Variants in CEMIP2 observed in about 807,000 individuals in gnomAD.
CEMIP2 encodes the protein cell surface hyaluronidase CEMIP2.
CEMIP2 carries 79 observed loss-of-function variants against 146.9 expected under a neutral mutation model. The observed-to-expected ratio is 0.54, with a 90% CI of 0.45 to 0.65. The LOEUF is 0.65. Among genes scored for constraint, CEMIP2 ranks in the 30% least tolerant of loss-of-function variants. The pLI is 0.00. For synonymous variants in CEMIP2, 601 were observed against 606.3 expected (o/e 0.99, Z 0.13); for missense variants, 1,596 against 1,696.2 (o/e 0.94, Z 1.04).
At chr9:71,729,580 T>C (rs914653890) in intron 10 of CEMIP2, among the ~76,000 whole-genome samples, 1 of 150,122 alleles carries the variant, frequency 6.7e-6, no homozygotes, top group Non-Finnish European at 1.5e-5. Flanking sequence ...ATCGCGCCAC[T>C]GCACTCCAGC....
chr9:71,703,760 G>A (rs1273359308), intron 18 of CEMIP2, among the ~76,000 whole-genome samples: 1 of 151,982 alleles, frequency 6.6e-6, no homozygotes, highest in Admixed American at 6.6e-5. Flanking sequence ...CCATCACACT[G>A]ACTCCATCAT....
At chr9:71,719,633 G>A (rs533852309) in intron 12 of CEMIP2, among the ~76,000 whole-genome samples, 43 of 152,146 alleles carry the variant, frequency 2.8e-4, no homozygotes, top group East Asian at 1.2e-3. Flanking sequence ...TAGTAGCTGC[G>A]AAGATAAAGA....
chr9:71,685,409 A>G lies in CEMIP2; in HGVS notation c.3956-16T>C, dbSNP rs1563989206. ...ATGGTACTCCCTAAAAAAAAAAAAA[A>G]AAAAGAAAAAGAAAAAAAATCAATT... is the stretch of plus-strand genomic sequence containing the variant. On this transcript the variant is annotated splice_polypyrimidine_tract_variant and intron_variant, in intron 23 of 23. Transcript: ENST00000377044. The G allele has an allele frequency of 6.7e-7, 1 of 1,486,040 alleles. No individual in the cohort carries two copies. The allele number at this position is 1,486,040 out of a possible 1,614,324, so 92.1% of individuals were successfully genotyped here.
At position 71,728,302 on chromosome 9, in the gene CEMIP2, C is replaced by CGTATATAT. The variant is rs1554684803; in HGVS notation, c.2049+1542_2049+1543insATATATAC. ...ATATGTATATATATATATATATATA[C>CGTATATAT]ATATATATATATATACGTATATATA... On this transcript the variant is annotated intron_variant, in intron 10 of 23. Transcript: ENST00000377044. Among the ~76,000 whole-genome samples, 3 of 11,582 alleles carry CGTATATAT rather than the reference C, an allele frequency of 2.6e-4. 1 individual carries two copies. Among genetic ancestry groups the CGTATATAT allele is most frequent in the Admixed American group, 3.5e-3 (2 of 576 alleles). 7.6% of individuals were successfully genotyped at this position (11,582 alleles called of 152,430 possible).
chr9:71,745,606 A>G, intron 3 of CEMIP2, 27 bp from the exon 4 acceptor site: 1 of 1,536,846 alleles, frequency 6.5e-7, no homozygotes, highest in South Asian at 1.2e-5. Context: ...CCTGTAAGCC[A>G]ACTTCTAAAT....
chr9:71,701,447 A>G (rs1403475039), intron 18 of CEMIP2, among the ~76,000 whole-genome samples: 1 of 152,204 alleles, frequency 6.6e-6, no homozygotes, highest in Non-Finnish European at 1.5e-5. Flanking sequence ...AGAACATTAA[A>G]AAGTTGGATA....
At chr9:71,730,967 G>C in intron 7 of CEMIP2, 53 bp from the exon 8 acceptor site, 1 of 1,437,374 alleles carries the variant, frequency 7.0e-7, no homozygotes, top group Non-Finnish European at 9.8e-7. Context: ...TAGGGAAGTA[G>C]CAAAAAATAT....
intron 12 of CEMIP2, among the ~76,000 whole-genome samples, chr9:71,721,640 A>G (rs1357118097): frequency 2.6e-5 from 4 of 152,350 alleles, no homozygotes; most frequent in South Asian, 2.1e-4. Context: ...TTGAAGAACA[A>G]TCAGGCCTGG....
chr9:71,753,416 T>C (rs62544873), intron 1 of CEMIP2, among the ~76,000 whole-genome samples: 10,523 of 152,170 alleles, frequency 0.069, 517 homozygotes, highest in South Asian at 0.19. Context: ...GATCCCAACA[T>C]GAAAATTCAG....
At position 71,750,273 on chromosome 9, in the gene CEMIP2, G is replaced by A; in HGVS notation, c.101C>T (p.Pro34Leu). 6.2e-7 allele frequency: 1 copy of A among 1,614,052 alleles called. No individual in the cohort carries two copies. The highest frequency in any genetic ancestry group is 8.5e-7 in the Non-Finnish European group (1 of 1,179,980). The change falls in exon 2 of 24, where the codon CCA (proline) becomes CTA (leucine). Residue 34 changes from proline (P) to leucine (L), a missense_variant. By Grantham distance (98) the Pro-to-Leu change is moderately conservative. Transcript: ENST00000377044. ...PSGYVPGKVVPLRPPPPPKSQ... is the reference protein window; with the variant it reads ...PSGYVPGKVVLLRPPPPPKSQ... The stretch of plus-strand genomic sequence containing the variant: ...CTTTGGAGGAGGAGGGGGACGCAAT[G>A]GGACAACCTTCCCTGGAACATAGCC...
chr9:71,715,237 CTTTTT>C (rs34322815), intron 14 of CEMIP2, 148 bp from the exon 15 acceptor site: 5,238 of 230,162 alleles, frequency 0.023, no homozygotes, highest in East Asian at 0.027. Context: ...TCAGAAACTG[CTTTTT>C]TTTTTTTTTT....
chr9:71,695,046 T>A (rs1008288143), intron 20 of CEMIP2, among the ~76,000 whole-genome samples: 1 of 152,190 alleles, frequency 6.6e-6, no homozygotes, highest in Non-Finnish European at 1.5e-5. Flanking sequence ...CATGAGCAGG[T>A]CTCAACTCCT....
intron 1 of CEMIP2, among the ~76,000 whole-genome samples, chr9:71,755,085 T>C (rs1335784283): frequency 1.3e-5 from 2 of 151,972 alleles, no homozygotes; most frequent in Non-Finnish European, 2.9e-5. Context: ...GAGAGACTTG[T>C]ATAATTGGTA....
chr9:71,735,277 G>T (rs565764951), intron 5 of CEMIP2, among the ~76,000 whole-genome samples: 1 of 152,130 alleles, frequency 6.6e-6, no homozygotes, highest in Admixed American at 6.5e-5. Context: ...TACTTTTGAA[G>T]AAGGCTCTAG....
At chr9:71,757,343 A>G (rs925506420) in intron 1 of CEMIP2, among the ~76,000 whole-genome samples, 19 of 152,224 alleles carry the variant, frequency 1.2e-4, no homozygotes, top group Admixed American at 4.6e-4. Flanking sequence ...GCACGATCTA[A>G]TCAGGTCAGT....
chr9:71,725,889 A>AT (rs1006946339), intron 10 of CEMIP2, among the ~76,000 whole-genome samples, 180 bp from the exon 11 acceptor site: 29 of 152,228 alleles, frequency 1.9e-4, no homozygotes, highest in African/African-American at 6.8e-4. Flanking sequence ...TATATCATGT[A>AT]TTTTTTTAAA....
Position 71,685,404 on chromosome 9 carries a change from A to G in CEMIP2, c.3956-11T>C. The G allele has an allele frequency of 1.3e-6, 2 of 1,502,008 alleles. No homozygotes were observed. The highest frequency in any genetic ancestry group is 1.8e-6 in the Non-Finnish European group (2 of 1,128,850). 93.0% of individuals were successfully genotyped at this position (1,502,008 alleles called of 1,614,324 possible). On this transcript the variant is annotated splice_polypyrimidine_tract_variant and intron_variant, in intron 23 of 23. Coordinates refer to ENST00000377044, the MANE Select transcript of CEMIP2 (RefSeq NM_013390.3). Reference sequence around the variant, plus strand: ...AAAATATGGTACTCCCTAAAAAAAAAAAAAAAAAAGAAAAAGAAAAAAAAT... The same window carrying G: ...AAAATATGGTACTCCCTAAAAAAAAGAAAAAAAAAGAAAAAGAAAAAAAAT...
chr9:71,726,691 T>C (rs1329192539), intron 10 of CEMIP2, among the ~76,000 whole-genome samples: 1 of 152,200 alleles, frequency 6.6e-6, no homozygotes, highest in Non-Finnish European at 1.5e-5. Flanking sequence ...TATTTATACC[T>C]ACACACCAGA....
chr9:71,692,463 G>A (rs1455755281), intron 21 of CEMIP2, among the ~76,000 whole-genome samples: 1 of 149,412 alleles, frequency 6.7e-6, no homozygotes, highest in Non-Finnish European at 1.5e-5. Context: ...ACTCCCACCA[G>A]TTACCATGCT....
Sources: gnomAD v4.1 joint callset for allele counts (sites outside exome capture counted in the v4.1 genomes callset) on GRCh38, gnomAD v4.1.1 for gene constraint, MANE v1.5 for transcripts, NCBI Gene and HGNC (gene_info 2026-07-23, HGNC 2026-07-21) for gene names.